CDH18: variants seen among roughly 807,000 people sequenced by gnomAD.
CDH18 encodes cadherin-18.
Under a neutral mutation model 67.9 loss-of-function variants are expected in CDH18, and 31 were observed. The observed-to-expected ratio is 0.46, with a 90% CI of 0.34 to 0.62. The LOEUF (loss-of-function observed/expected upper bound fraction) is 0.62, where lower values mean the gene tolerates loss of function less well. CDH18 is among the 20% of genes least tolerant of loss of function. CDH18 has a pLI of 0.01. For synonymous variants in CDH18, 362 were observed against 347.2 expected, an observed-to-expected ratio of 1.04 and a Z score of -0.48; for missense variants, 890 against 975.5, an observed-to-expected ratio of 0.91 and a Z score of 1.17.
intron 1 of CDH18, among the ~76,000 whole-genome samples, chr5:20,490,247 T>G (rs189708582): frequency 6.6e-6 from 1 of 152,226 alleles, no homozygotes; most frequent in African/African-American, 2.4e-5. Flanking sequence ...GCAAACATTA[T>G]AGTGTGTCAT....
At position 19,954,155 on chromosome 5, in the gene CDH18, T is replaced by C. The variant is rs377521582; in HGVS notation, c.-257+26905A>G. On this transcript the variant is annotated intron_variant, in intron 2 of 12. Transcript: ENST00000382275. Reference sequence around the variant, plus strand: ...ATCTAGCACTTGGATCATCTGGGATTATGAACTGATATTATGAATAATGTG... The same window carrying C: ...ATCTAGCACTTGGATCATCTGGGATCATGAACTGATATTATGAATAATGTG... 6.4e-4 allele frequency among the ~76,000 whole-genome samples: 98 copies of C among 152,190 alleles called. No homozygotes were observed. In the South Asian group the frequency reaches 0.016, roughly 25 times the overall value.
chr5:19,722,968 T>A (rs1023065751), intron 4 of CDH18, among the ~76,000 whole-genome samples: 15 of 152,156 alleles, frequency 9.9e-5, no homozygotes, highest in Non-Finnish European at 1.5e-5. Context: ...TGGTGGCTCA[T>A]GCCTGTAATC....
At chr5:20,369,409 A>C (rs1261794002) in intron 1 of CDH18, among the ~76,000 whole-genome samples, 1 of 152,220 alleles carries the variant, frequency 6.6e-6, no homozygotes, top group Non-Finnish European at 1.5e-5. Flanking sequence ...TTAAAAGGAA[A>C]AGGACAATTC....
At chr5:19,492,859 C>T (rs1290129825) in intron 11 of CDH18, among the ~76,000 whole-genome samples, 2 of 152,052 alleles carry the variant, frequency 1.3e-5, no homozygotes, top group Non-Finnish European at 2.9e-5. Flanking sequence ...TTTTTTCTAG[C>T]CACCACAATT....
chr5:20,186,149 T>A (rs1738083711), intron 2 of CDH18, among the ~76,000 whole-genome samples: 3 of 151,962 alleles, frequency 2.0e-5, no homozygotes, highest in Admixed American at 2.0e-4. Context: ...CAAAATTTAA[T>A]TAAAACTTGA....
At chr5:19,678,220 C>T (rs1436907774) in intron 5 of CDH18, among the ~76,000 whole-genome samples, 2 of 140,844 alleles carry the variant, frequency 1.4e-5, no homozygotes, top group Non-Finnish European at 3.1e-5. Context: ...ATCACACAAT[C>T]AAACATAAAA....
chr5:19,917,887 T>C (rs754865628), intron 2 of CDH18, among the ~76,000 whole-genome samples: 6 of 152,142 alleles, frequency 3.9e-5, no homozygotes, highest in Non-Finnish European at 7.4e-5. Flanking sequence ...ATTTGAATTA[T>C]ACCTCTACGA....
chr5:20,334,042 G>A (rs1191753220), intron 1 of CDH18, among the ~76,000 whole-genome samples: 1 of 151,428 alleles, frequency 6.6e-6, no homozygotes, highest in East Asian at 1.9e-4. Context: ...AATGAGTAGA[G>A]GAAGAAGAAG....
intron 2 of CDH18, among the ~76,000 whole-genome samples, chr5:20,248,055 T>C (rs1241982602): frequency 6.6e-6 from 1 of 152,226 alleles, no homozygotes; most frequent in Non-Finnish European, 1.5e-5. Context: ...TATTTGTTTA[T>C]AAACACACAC....
At chr5:19,541,571 G>A (rs959302029) in intron 9 of CDH18, among the ~76,000 whole-genome samples, 2 of 152,172 alleles carry the variant, frequency 1.3e-5, no homozygotes, top group Non-Finnish European at 2.9e-5. Flanking sequence ...TCACATGGCT[G>A]GGAAGGCCTC....
intron 3 of CDH18, among the ~76,000 whole-genome samples, chr5:19,771,819 A>C (rs561409062): frequency 6.6e-6 from 1 of 152,184 alleles, no homozygotes; most frequent in Non-Finnish European, 1.5e-5. Flanking sequence ...AGAGAAATCA[A>C]ATAGGCAGTT....
intron 11 of CDH18, among the ~76,000 whole-genome samples, chr5:19,496,679 G>C (rs1742379761): frequency 6.6e-6 from 1 of 152,058 alleles, no homozygotes; most frequent in South Asian, 2.1e-4. Flanking sequence ...AGGTGTGGTG[G>C]AAAGTGCCTG....
At chr5:20,303,038 G>A (rs73056742) in intron 1 of CDH18, among the ~76,000 whole-genome samples, 12,654 of 151,436 alleles carry the variant, frequency 0.084, 1,067 homozygotes, top group African/African-American at 0.22. Flanking sequence ...ATATTATACT[G>A]CTGTCTAAAG....
intron 8 of CDH18, among the ~76,000 whole-genome samples, chr5:19,549,949 A>G (rs1737102050): frequency 6.6e-6 from 1 of 152,116 alleles, no homozygotes; most frequent in South Asian, 2.1e-4. Context: ...GTCCTGAAAG[A>G]GGAAAAACAG....
chr5:19,741,939 A>C (rs935500422), intron 4 of CDH18, among the ~76,000 whole-genome samples: 1 of 152,182 alleles, frequency 6.6e-6, no homozygotes, highest in African/African-American at 2.4e-5. Context: ...AGAATTATCC[A>C]GTCCAAAGTG....
intron 2 of CDH18, among the ~76,000 whole-genome samples, chr5:19,977,266 T>C (rs749125911): frequency 1.1e-4 from 16 of 152,170 alleles, no homozygotes; most frequent in Non-Finnish European, 2.2e-4. Flanking sequence ...GCCAGGGTCT[T>C]TGGAAGCAGA....
intron 1 of CDH18, among the ~76,000 whole-genome samples, chr5:20,524,353 T>A (rs955911259): frequency 6.6e-6 from 1 of 152,210 alleles, no homozygotes; most frequent in Non-Finnish European, 1.5e-5. Flanking sequence ...AATTAATAAA[T>A]GCAATTTTAA....
chr5:20,184,006 G>A (rs1375680271), intron 2 of CDH18, among the ~76,000 whole-genome samples: 3 of 152,038 alleles, frequency 2.0e-5, no homozygotes, highest in Non-Finnish European at 2.9e-5. Context: ...TTTCTTGCTT[G>A]AGTGACATTT....
chr5:20,459,076 CAT>C (rs1314994103), intron 1 of CDH18, among the ~76,000 whole-genome samples: 38 of 152,264 alleles, frequency 2.5e-4, no homozygotes, highest in African/African-American at 7.9e-4. Flanking sequence ...CACGTGTATG[CAT>C]ATGTTTGTTT....
Sources: allele counts gnomAD v4.1 joint callset (sites outside exome capture counted in the v4.1 genomes callset), GRCh38; gene constraint gnomAD v4.1.1; transcripts MANE v1.5; gene names NCBI Gene and HGNC (gene_info 2026-07-23, HGNC 2026-07-21).